The following P2RY2 variants were observed in gnomAD, a reference collection of about 807,000 sequenced individuals.
P2RY2 encodes the protein P2Y purinoceptor 2.
For synonymous variants in P2RY2, 241 were observed against 231.9 expected, an observed-to-expected ratio of 1.04 and a Z score of -0.35; for missense variants, 567 against 515.7, an observed-to-expected ratio of 1.10 and a Z score of -0.96.
chr11:73,229,714 C>A (rs1018664250), intron 2 of P2RY2, among the ~76,000 whole-genome samples: 1 of 152,128 alleles, frequency 6.6e-6, no homozygotes, highest in Non-Finnish European at 1.5e-5. Context: ...GAAGTCTCCA[C>A]CCCTCATCTC....
Position 73,234,857 on chromosome 11 carries a change from C to A in P2RY2, c.698C>A (p.Ser233Ter). 2.5e-6 allele frequency: 4 copies of A among 1,610,522 alleles called. No homozygotes were observed. Among genetic ancestry groups the A allele is most frequent in the Non-Finnish European group, 3.4e-6 (4 of 1,179,960 alleles). Residue 233 changes from serine (S) to a stop codon, truncating the protein, a stop_gained, in exon 3 of 3, where the codon TCG (serine) becomes TAG (stop). Transcript: ENST00000393597. LOFTEE classifies it low-confidence loss of function (END_TRUNC). ...CTGCTAAAGCCAGCCTACGGGACCT[C>A]GGGCGGCCTGCCTAGGGCCAAGCGC... ...RRLLKPAYGT[S>*]GGLPRAKRKS...
chr11:73,231,395 A>G (rs1244141531), intron 2 of P2RY2, among the ~76,000 whole-genome samples: 1 of 36,478 alleles, frequency 2.7e-5, no homozygotes, highest in African/African-American at 4.1e-5. Context: ...AAAAATACAA[A>G]AAAAAAAAAA....
At position 73,238,922 on chromosome 11, in the gene P2RY2, C is replaced by G. The variant is rs1336737986; in HGVS notation, c.*3629C>G. The G allele has an allele frequency of 6.6e-6, 1 of 152,248 alleles. No homozygotes were observed. The highest frequency in any genetic ancestry group is 2.4e-5 in the African/African-American group (1 of 41,450). The allele number at this position is 152,248 out of a possible 1,614,324, so 9.4% of individuals were successfully genotyped here. A position where few individuals can be genotyped will look rare whatever the true frequency, so the allele number is the denominator to read the frequency against. On this transcript the variant is annotated 3_prime_UTR_variant, in exon 3 of 3. Coordinates refer to ENST00000393597, the MANE Select transcript of P2RY2 (RefSeq NM_002564.4). ...CACAGATGCTCCACCCAGACCACCT[C>G]AGTGTCAATATTGTCCCCACTTTCC...
At chr11:73,222,955 C>T (rs1862162845) in intron 1 of P2RY2, among the ~76,000 whole-genome samples, 1 of 152,182 alleles carries the variant, frequency 6.6e-6, no homozygotes. Flanking sequence ...CCATCTGAGG[C>T]CAGGTGCACC....
At chr11:73,226,755 TC>T (rs1227569260) in intron 1 of P2RY2, among the ~76,000 whole-genome samples, 2 of 152,064 alleles carry the variant, frequency 1.3e-5, no homozygotes, top group African/African-American at 4.8e-5. Context: ...CAGGCAACTG[TC>T]CCCTCCCTGA....
In P2RY2 at chr11:73,228,185, G is replaced by GT. The variant is rs1491564365; in HGVS notation, c.-5+11dup. On this transcript the variant is annotated intron_variant, in intron 2 of 2. Coordinates refer to ENST00000393597, the MANE Select transcript of P2RY2 (RefSeq NM_002564.4). ...AGCAGGGGCTGGTCAGGTACGTGGG[G>GT]TGGGGGTGGGGGGGAGCGGGTACGC... 9.0e-5 allele frequency: 11 copies of GT among 122,628 alleles called. 1 individual carries two copies. The highest frequency in any genetic ancestry group is 8.8e-4 in the South Asian group (3 of 3,398). The allele number at this position is 122,628 out of a possible 1,614,324, so 7.6% of individuals were successfully genotyped here. A position where few individuals can be genotyped will look rare whatever the true frequency, so the allele number is the denominator to read the frequency against.
Position 73,219,044 on chromosome 11 carries a change from C to T in P2RY2, c.-200+612C>T, listed in dbSNP as rs907330385. 4.6e-5 allele frequency among the ~76,000 whole-genome samples: 7 copies of T among 152,286 alleles called. No individual in the cohort carries two copies. The East Asian group carries it at 1.2e-3, about 25-fold the overall frequency. ...GGTCAGTCAGGAGAAAGGCGATACC[C>T]CACCCCCCAACCCGAAGGCTGCCAG... On this transcript the variant is annotated intron_variant, in intron 1 of 2. Coordinates refer to ENST00000393597, the MANE Select transcript of P2RY2 (RefSeq NM_002564.4).
At position 73,235,589 on chromosome 11, in the gene P2RY2, C is replaced by T. The variant is rs565034351; in HGVS notation, c.*296C>T. 7 of 1,127,618 alleles carry T rather than the reference C, an allele frequency of 6.2e-6. No individual in the cohort carries two copies. In the East Asian group the frequency reaches 1.6e-4, roughly 25 times the overall value. 69.9% of individuals were successfully genotyped at this position (1,127,618 alleles called of 1,614,324 possible). A position where few individuals can be genotyped will look rare whatever the true frequency, so the allele number is the denominator to read the frequency against. The stretch of plus-strand genomic sequence containing the variant: ...ACTCCCATGCAAGTAGCTGGCTGTA[C>T]TGCCAAGGTACCTAGGTTGGAGTCC... On this transcript the variant is annotated 3_prime_UTR_variant, in exon 3 of 3. Coordinates refer to ENST00000393597, the MANE Select transcript of P2RY2 (RefSeq NM_002564.4).
In P2RY2 at chr11:73,238,885, A is replaced by G. The variant is rs555742856; in HGVS notation, c.*3592A>G. Reference sequence around the variant, plus strand: ...TCAAGATGACAGAGGCAGTGTAGCAAGGATGTGAGAACACAGATGCTCCAC... The same window carrying G: ...TCAAGATGACAGAGGCAGTGTAGCAGGGATGTGAGAACACAGATGCTCCAC... On this transcript the variant is annotated 3_prime_UTR_variant, in exon 3 of 3. Transcript: ENST00000393597. 6.6e-6 allele frequency: 1 copy of G among 152,350 alleles called. No individual in the cohort carries two copies. The highest frequency in any genetic ancestry group is 2.1e-4 in the South Asian group (1 of 4,828). 9.4% of individuals were successfully genotyped at this position (152,350 alleles called of 1,614,324 possible). A position where few individuals can be genotyped will look rare whatever the true frequency, so the allele number is the denominator to read the frequency against.
chr11:73,235,262 G>A lies in P2RY2; in HGVS notation c.1103G>A (p.Gly368Asp), dbSNP rs1308353027. 2.5e-6 allele frequency: 4 copies of A among 1,581,360 alleles called. No homozygotes were observed. The highest frequency in any genetic ancestry group is 3.4e-6 in the Non-Finnish European group (4 of 1,163,784). ...DSRRTESTPA[G>D]SENTKDIRL ...AGGCGGACAGAGTCCACGCCGGCTGGTAGCGAGAACACTAAGGACATTCGG... is the reference window on the plus strand; with the variant it reads ...AGGCGGACAGAGTCCACGCCGGCTGATAGCGAGAACACTAAGGACATTCGG... The change falls in exon 3 of 3, where the codon GGT becomes GAT. Residue 368 changes from glycine to aspartate, a missense_variant. By Grantham distance (94) the Gly-to-Asp change is moderately conservative. Transcript: ENST00000393597.
At position 73,241,059 on chromosome 11, in the gene P2RY2, C is replaced by T. The variant is rs1862763866; in HGVS notation, c.*5766C>T. 6.6e-6 allele frequency: 1 copy of T among 152,208 alleles called. No homozygotes were observed. The highest frequency in any genetic ancestry group is 1.5e-5 in the Non-Finnish European group (1 of 68,060). The allele number at this position is 152,208 out of a possible 1,614,324, so 9.4% of individuals were successfully genotyped here. A position where few individuals can be genotyped will look rare whatever the true frequency, so the allele number is the denominator to read the frequency against. On this transcript the variant is annotated 3_prime_UTR_variant, in exon 3 of 3. Transcript: ENST00000393597. ...TTTAGTGCCCTTACAGAATGGACCC[C>T]AGAGAGCTCCTCACCCTCTTTCCAC...
chr11:73,229,884 G>A (rs566382124), intron 2 of P2RY2, among the ~76,000 whole-genome samples: 4 of 152,214 alleles, frequency 2.6e-5, no homozygotes, highest in Non-Finnish European at 4.4e-5. Context: ...GCATCATGGA[G>A]GAAGCCCCCT....
At chr11:73,222,954 G>A (rs1005958899) in intron 1 of P2RY2, among the ~76,000 whole-genome samples, 1 of 152,194 alleles carries the variant, frequency 6.6e-6, no homozygotes, top group Non-Finnish European at 1.5e-5. Flanking sequence ...TCCATCTGAG[G>A]CCAGGTGCAC....
In P2RY2 at chr11:73,234,844, G is replaced by T; in HGVS notation, c.685G>T (p.Ala229Ser). ...CATGGCTCGGCGACTGCTAAAGCCA[G>T]CCTACGGGACCTCGGGCGGCCTGCC... is the stretch of plus-strand genomic sequence containing the variant. Reference protein sequence around the residue: ...VLMARRLLKPAYGTSGGLPRA... With the variant: ...VLMARRLLKPSYGTSGGLPRA... Residue 229 changes from alanine to serine, a missense_variant, in exon 3 of 3, where the codon GCC (alanine) becomes TCC (serine). By Grantham distance (99) the Ala-to-Ser change is moderately conservative (BLOSUM62 1). Transcript: ENST00000393597. 1 of 1,610,826 alleles carries T rather than the reference G, an allele frequency of 6.2e-7. No homozygotes were observed.
chr11:73,221,404 C>A (rs952878909), intron 1 of P2RY2, among the ~76,000 whole-genome samples: 1 of 152,208 alleles, frequency 6.6e-6, no homozygotes, highest in Non-Finnish European at 1.5e-5. Flanking sequence ...TAGCCCTCCC[C>A]ATCTGAGACA....
Position 73,226,218 on chromosome 11 carries a change from G to C in P2RY2, c.-199-1763G>C, listed in dbSNP as rs180997733. ...GGAGGTTGTCCAGGCTGTATCAGAG[G>C]TTTGAAACCTGGAAGGATGGTGGGG... On this transcript the variant is annotated intron_variant, in intron 1 of 2. Transcript: ENST00000393597. Among the ~76,000 whole-genome samples the C allele has an allele frequency of 1.7e-3, 260 of 152,280 alleles. 2 individuals carry two copies. Among genetic ancestry groups the C allele is most frequent in the African/African-American group, 6.0e-3 (249 of 41,544 alleles).
At position 73,236,199 on chromosome 11, in the gene P2RY2, G is replaced by C; in HGVS notation, c.*906G>C. The C allele has an allele frequency of 1.0e-6, 1 of 999,204 alleles. No individual in the cohort carries two copies. Among genetic ancestry groups the C allele is most frequent in the Non-Finnish European group, 1.2e-6 (1 of 829,046 alleles). The allele number at this position is 999,204 out of a possible 1,614,324, so 61.9% of individuals were successfully genotyped here. A position where few individuals can be genotyped will look rare whatever the true frequency, so the allele number is the denominator to read the frequency against. Reference sequence around the variant, plus strand: ...GTCCTTGAGATTTCCCAGTTTAGGTGATGGCCAGTCATGTGCTGGTAAATG... The same window carrying C: ...GTCCTTGAGATTTCCCAGTTTAGGTCATGGCCAGTCATGTGCTGGTAAATG... On this transcript the variant is annotated 3_prime_UTR_variant, in exon 3 of 3. Transcript: ENST00000393597.
rs376611230 is a variant in P2RY2 at position 73,223,126 on chromosome 11, G to A, written c.-200+4694G>A. On this transcript the variant is annotated intron_variant, in intron 1 of 2. Coordinates refer to ENST00000393597, the MANE Select transcript of P2RY2 (RefSeq NM_002564.4). ...TTGAAGAAACACAGCCTTCACACCC[G>A]GAACCAGAGCCTCTTGGAATTAGAC... is the stretch of plus-strand genomic sequence containing the variant. Among the ~76,000 whole-genome samples the A allele has an allele frequency of 1.7e-4, 26 of 152,258 alleles. No homozygotes were observed. The East Asian group carries it at 2.7e-3, about 16-fold the overall frequency.
intron 1 of P2RY2, among the ~76,000 whole-genome samples, chr11:73,225,847 G>A (rs953834219): frequency 2.0e-5 from 3 of 152,238 alleles, no homozygotes; most frequent in Non-Finnish European, 4.4e-5. Context: ...CAGGGACAGA[G>A]AGGATGGGCT....
Sources: gnomAD v4.1 joint callset for allele counts (sites outside exome capture counted in the v4.1 genomes callset) on GRCh38, gnomAD v4.1.1 for gene constraint, MANE v1.5 for transcripts, NCBI Gene and HGNC (gene_info 2026-07-23, HGNC 2026-07-21) for gene names.